The following PITPNM3 variants were observed in gnomAD, a reference collection of about 807,000 sequenced individuals.
PITPNM3 encodes the protein membrane-associated phosphatidylinositol transfer protein 3.
PITPNM3 carries 26 observed loss-of-function variants against 102.0 expected under a neutral mutation model. The ratio of observed to expected loss-of-function variants is 0.25; its 90% CI spans 0.19 to 0.35. The LOEUF is 0.35. PITPNM3 is among the 10% of genes least tolerant of loss of function. PITPNM3 has a pLI of 1.00. For missense variants in PITPNM3, 1,083 were observed against 1,346.1 expected (o/e 0.80, Z 3.06); for synonymous variants, 578 against 558.6 (o/e 1.03, Z -0.49).
At chr17:6,513,636 A>G (rs755638004) in intron 3 of PITPNM3, among the ~76,000 whole-genome samples, 6 of 152,366 alleles carry the variant, frequency 3.9e-5, no homozygotes, top group Admixed American at 2.6e-4. Context: ...AACATCATTG[A>G]AAGAAAGAAG....
rs912615749 is a variant in PITPNM3, at chr17:6,459,219, C to T, written c.2491-1497G>A. Among the ~76,000 whole-genome samples, 6 of 152,156 alleles carry T rather than the reference C, an allele frequency of 3.9e-5. No homozygotes were observed. Among genetic ancestry groups the T allele is most frequent in the African/African-American group, 1.2e-4 (5 of 41,418 alleles). The stretch of plus-strand genomic sequence containing the variant: ...TGCTACTTTTGCCCCCTTGTCCTTC[C>T]GAACTGTCTTTTCCTCACAAGGTCA... On this transcript the variant is annotated intron_variant, in intron 18 of 19. Coordinates refer to ENST00000262483, the MANE Select transcript of PITPNM3 (RefSeq NM_031220.4). This position sits in a 1 kb window ranked among gnomAD's most constrained non-coding sequence, Gnocchi z 5.0.
At chr17:6,481,849 ATGAT>A (rs1314897817) in intron 6 of PITPNM3, 2 of 99,062 alleles carry the variant, frequency 2.0e-5, no homozygotes, top group African/African-American at 3.9e-5. Flanking sequence ...ACAGAATAGA[ATGAT>A]AGAGAGAGAG....
At chr17:6,505,480 C>T (rs559426138) in intron 3 of PITPNM3, among the ~76,000 whole-genome samples, 10 of 152,164 alleles carry the variant, frequency 6.6e-5, no homozygotes, top group East Asian at 1.9e-4. Context: ...ACCTGGACAC[C>T]GTCATAGAGC....
At chr17:6,545,989 G>T (rs376072925) in intron 1 of PITPNM3, among the ~76,000 whole-genome samples, 1 of 152,226 alleles carries the variant, frequency 6.6e-6, no homozygotes, top group Non-Finnish European at 1.5e-5. Flanking sequence ...CCTCTCAGGG[G>T]AGCATCCCCG....
At chr17:6,527,232 G>T (rs572360145) in intron 2 of PITPNM3, among the ~76,000 whole-genome samples, 1 of 152,166 alleles carries the variant, frequency 6.6e-6, no homozygotes, top group Non-Finnish European at 1.5e-5. Context: ...ATTATTCTTC[G>T]GGAAGCAGAA....
chr17:6,518,881 T>A (rs182900744), intron 3 of PITPNM3, among the ~76,000 whole-genome samples: 8 of 152,366 alleles, frequency 5.3e-5, no homozygotes, highest in East Asian at 1.9e-4. Context: ...AGGGCCATGT[T>A]TGTTGGTAAA....
intron 14 of PITPNM3, among the ~76,000 whole-genome samples, chr17:6,466,821 T>G (rs1904796083): frequency 6.6e-6 from 1 of 152,002 alleles, no homozygotes; most frequent in African/African-American, 2.4e-5. Context: ...AGCAGCATTA[T>G]TCATAGTAGC....
rs148470835 is a variant in PITPNM3, at chr17:6,470,988, T to G, written c.1624+173A>C. Among the ~76,000 whole-genome samples, 37 of 152,180 alleles carry G rather than the reference T, an allele frequency of 2.4e-4. No homozygotes were observed. In the East Asian group the frequency reaches 7.2e-3, roughly 30 times the overall value. On this transcript the variant is annotated intron_variant, in intron 12 of 19. Coordinates refer to ENST00000262483, the MANE Select transcript of PITPNM3 (RefSeq NM_031220.4). The surrounding 1 kb of genome is among the most constrained non-coding windows in gnomAD (Gnocchi z 4.8). ...TGAGGATCTGGACCGATGCCAGGTC[T>G]CCATCAGCAGACGCCCAGCTCTCTA...
chr17:6,526,551 G>A (rs1908846375), intron 2 of PITPNM3, among the ~76,000 whole-genome samples: 1 of 152,108 alleles, frequency 6.6e-6, no homozygotes, highest in Non-Finnish European at 1.5e-5. Flanking sequence ...GAAGCTTTGG[G>A]AGCTGTCCAG....
chr17:6,482,030 CTCTCTGTCTG>C (rs1567670315), intron 6 of PITPNM3, among the ~76,000 whole-genome samples: 2 of 86,576 alleles, frequency 2.3e-5, no homozygotes, highest in African/African-American at 9.5e-5. Flanking sequence ...CTCTCTCTCT[CTCTCTGTCTG>C]TCTCTCTCTC....
chr17:6,479,719 T>C (rs1209156955), intron 6 of PITPNM3: 1 of 152,252 alleles, frequency 6.6e-6, no homozygotes, highest in Non-Finnish European at 1.5e-5. Context: ...AGAGTCCTCG[T>C]GGTGTACAAG....
intron 1 of PITPNM3, 99 bp from the exon 2 acceptor site, chr17:6,538,181 C>T (rs1313507874): frequency 9.7e-6 from 8 of 828,216 alleles, no homozygotes; most frequent in Admixed American, 3.9e-5. Context: ...AGTTAGCATC[C>T]TGCACATCTG....
chr17:6,536,815 G>T (rs1909459443), intron 2 of PITPNM3, among the ~76,000 whole-genome samples: 2 of 152,146 alleles, frequency 1.3e-5, no homozygotes, highest in South Asian at 4.1e-4. Flanking sequence ...TCCGTCTCAG[G>T]AGTAAGTCAA....
intron 4 of PITPNM3, among the ~76,000 whole-genome samples, chr17:6,498,235 C>T (rs572083740): frequency 6.6e-6 from 1 of 152,356 alleles, no homozygotes; most frequent in East Asian, 1.9e-4. Context: ...CCACCATTTG[C>T]TGCAGAGGAA....
At position 6,503,571 on chromosome 17, in the gene PITPNM3, TCTC is replaced by T. The variant is rs773216685; in HGVS notation, c.227_229del (p.Gly76del). 22 of 1,609,852 alleles carry T rather than the reference TCTC, an allele frequency of 1.4e-5. No homozygotes were observed. The African/African-American group carries it at 2.5e-4, about 19-fold the overall frequency. On this transcript the variant is annotated inframe_deletion and splice_region_variant, in exon 4 of 20. Coordinates refer to ENST00000262483, the MANE Select transcript of PITPNM3 (RefSeq NM_031220.4). ...GCTGGATGTGCACGGCGCGGTCCCT[TCTC>T]CTGCAGAAAAAGAAAAGAAACATGA...
intron 6 of PITPNM3, chr17:6,479,207 A>C (rs1905513048): frequency 1.2e-5 from 2 of 172,666 alleles, no homozygotes; most frequent in Admixed American, 5.5e-5. Flanking sequence ...TGGGGTTCAC[A>C]TGTTGGCCAC....
At chr17:6,473,649 G>C (rs1905163889) in intron 10 of PITPNM3, among the ~76,000 whole-genome samples, 1 of 152,156 alleles carries the variant, frequency 6.6e-6, no homozygotes, top group Non-Finnish European at 1.5e-5. Flanking sequence ...CGCCTGGTGT[G>C]TACATTTTAG....
At chr17:6,507,589 A>T (rs993601504) in intron 3 of PITPNM3, among the ~76,000 whole-genome samples, 1 of 151,960 alleles carries the variant, frequency 6.6e-6, no homozygotes, top group African/African-American at 2.4e-5. Flanking sequence ...ATTTAAAAAA[A>T]AAAACAAAAC....
chr17:6,556,309 G>C lies in PITPNM3; in HGVS notation c.22+76C>G. ...CCCACCTGCGCGAGGGGTTCACCTG[G>C]GCCGGCGGCCCCTCCTCTAGACGCG... On this transcript the variant is annotated intron_variant, in intron 1 of 19. Coordinates refer to ENST00000262483, the MANE Select transcript of PITPNM3 (RefSeq NM_031220.4). This position sits in a 1 kb window ranked among gnomAD's most constrained non-coding sequence, Gnocchi z 5.2. The C allele has an allele frequency of 3.1e-6, 4 of 1,284,182 alleles. No homozygotes were observed. The highest frequency in any genetic ancestry group is 4.1e-6 in the Non-Finnish European group (4 of 974,916). 79.5% of individuals were successfully genotyped at this position (1,284,182 alleles called of 1,614,324 possible).
Sources: gnomAD v4.1 joint callset for allele counts (sites outside exome capture counted in the v4.1 genomes callset) on GRCh38, gnomAD v4.1.1 for gene constraint, Gnocchi (gnomAD v3.1) non-coding constraint, MANE v1.5 for transcripts, NCBI Gene and HGNC (gene_info 2026-07-23, HGNC 2026-07-21) for gene names.